Variants in CAMTA1 observed in about 807,000 individuals in gnomAD.
The protein encoded by CAMTA1 is calmodulin-binding transcription activator 1.
In CAMTA1, 27 loss-of-function variants were observed where a neutral mutation model predicts 170.9. The observed-to-expected ratio is 0.16, with a 90% CI of 0.12 to 0.22. The LOEUF is 0.22. Among genes scored for constraint, CAMTA1 ranks in the 10% least tolerant of loss-of-function variants. The probability of loss-of-function intolerance (pLI) is 1.00; values close to 1 mark genes in which losing one functional copy is unlikely to be tolerated. For synonymous variants in CAMTA1, 833 were observed against 891.5 expected (o/e 0.93, Z 1.17); for missense variants, 1,619 against 2,217.2 (o/e 0.73, Z 5.42).
At chr1:7,447,153 C>T (rs901832072) in intron 5 of CAMTA1, among the ~76,000 whole-genome samples, 6 of 152,084 alleles carry the variant, frequency 3.9e-5, no homozygotes, top group African/African-American at 1.4e-4. Context: ...CTTCCTATGC[C>T]CCCAGGGAGC....
intron 6 of CAMTA1, among the ~76,000 whole-genome samples, chr1:7,481,208 C>A (rs1470181032): frequency 6.6e-6 from 1 of 152,176 alleles, no homozygotes; most frequent in Non-Finnish European, 1.5e-5. Flanking sequence ...CCACTTAAAT[C>A]CCAAATCAGA....
intron 7 of CAMTA1, among the ~76,000 whole-genome samples, chr1:7,648,478 G>A (rs970453407): frequency 2.0e-5 from 3 of 152,166 alleles, no homozygotes; most frequent in Non-Finnish European, 4.4e-5. Flanking sequence ...AGTAAGGAGT[G>A]GGGGGATCAG....
intron 6 of CAMTA1, among the ~76,000 whole-genome samples, chr1:7,617,329 C>T (rs2095565844): frequency 2.0e-5 from 3 of 152,218 alleles, no homozygotes; most frequent in Admixed American, 2.0e-4. Context: ...AAAAGTGTAG[C>T]AGCAGAGAAC....
intron 6 of CAMTA1, among the ~76,000 whole-genome samples, chr1:7,542,837 CAG>C (rs2094630572): frequency 1.6e-5 from 1 of 61,216 alleles, no homozygotes; most frequent in South Asian, 6.2e-4. Flanking sequence ...GCCTAAAACA[CAG>C]TGTGTGTGTG....
At chr1:7,165,348 A>T (rs918309875) in intron 4 of CAMTA1, among the ~76,000 whole-genome samples, 4 of 152,254 alleles carry the variant, frequency 2.6e-5, no homozygotes, top group African/African-American at 2.4e-5. Context: ...TTAAAAAGAA[A>T]GAAAACATAA....
At chr1:7,427,890 C>A (rs1034998004) in intron 5 of CAMTA1, among the ~76,000 whole-genome samples, 1 of 152,184 alleles carries the variant, frequency 6.6e-6, no homozygotes, top group African/African-American at 2.4e-5. Context: ...AGAATATTCT[C>A]AGGGCCCCTT....
intron 6 of CAMTA1, among the ~76,000 whole-genome samples, chr1:7,563,520 G>C (rs1252421828): frequency 6.6e-6 from 1 of 152,232 alleles, no homozygotes; most frequent in African/African-American, 2.4e-5. Context: ...TCCTCATGTG[G>C]AGTGGGCCCA....
chr1:7,663,647 A>G lies in CAMTA1; in HGVS notation c.1100A>G (p.Asn367Ser), dbSNP rs1250757095. ...SSPVSISSGL[N>S]SDPDMVDSPV... ...CCTGTGTCCATCAGCAGCGGGCTCA[A>G]CAGCGACCCGGACATGGTGGACAGC... Residue 367 changes from asparagine (N) to serine (S), a missense_variant, in exon 9 of 23, where the codon AAC becomes AGC. Around this residue, in one of 8 missense-constraint regions of CAMTA1, gnomAD observed 731 missense variants for 907.6 expected, o/e 0.81. Transcript: ENST00000303635. The G allele has an allele frequency of 6.2e-7, 1 of 1,614,046 alleles. No homozygotes were observed. The highest frequency in any genetic ancestry group is 8.5e-7 in the Non-Finnish European group (1 of 1,180,040).
chr1:7,405,281 C>T lies in CAMTA1; in HGVS notation c.439-62549C>T, dbSNP rs555104828. On this transcript the variant is annotated intron_variant, in intron 5 of 22. Transcript: ENST00000303635. ...GCATCTTGAAGGCCTAGTGTCACCT[C>T]CTCCAGGACTTCCTTGGTACTTCTC... Among the ~76,000 whole-genome samples the T allele has an allele frequency of 5.9e-5, 9 of 152,270 alleles. No homozygotes were observed. The South Asian group carries it at 1.9e-3, about 32-fold the overall frequency.
intron 6 of CAMTA1, among the ~76,000 whole-genome samples, chr1:7,638,899 G>A (rs1385892091): frequency 3.3e-5 from 5 of 152,180 alleles, no homozygotes; most frequent in Admixed American, 2.0e-4. Context: ...GAGCTCGGGG[G>A]GCAGAAAGCG....
At chr1:6,985,978 C>T (rs376491416) in intron 3 of CAMTA1, among the ~76,000 whole-genome samples, 2 of 152,228 alleles carry the variant, frequency 1.3e-5, no homozygotes, top group African/African-American at 4.8e-5. Flanking sequence ...TCTTTCCGGC[C>T]CTACCTGTTT....
At chr1:7,733,861 G>A (rs561308135) in intron 12 of CAMTA1, among the ~76,000 whole-genome samples, 25 of 152,196 alleles carry the variant, frequency 1.6e-4, no homozygotes, top group African/African-American at 2.4e-4. Context: ...CTTCCTCCCC[G>A]TGTTTTCATA....
At chr1:7,309,409 C>T (rs1465465887) in intron 5 of CAMTA1, among the ~76,000 whole-genome samples, 7 of 144,248 alleles carry the variant, frequency 4.9e-5, no homozygotes, top group Non-Finnish European at 9.0e-5. Flanking sequence ...AAGCAATTCT[C>T]GTGCCTCAGC....
chr1:7,677,514 G>A, intron 10 of CAMTA1, 85 bp from the exon 11 acceptor site: 1 of 1,442,910 alleles, frequency 6.9e-7, no homozygotes, highest in Non-Finnish European at 9.5e-7. Context: ...GGGTAGTGGG[G>A]AGGGGACATT....
At chr1:7,607,463 GTGGATGGATGGATGGATGGA>G (rs754146311) in intron 6 of CAMTA1, among the ~76,000 whole-genome samples, 1 of 150,134 alleles carries the variant, frequency 6.7e-6, no homozygotes, top group African/African-American at 2.5e-5. Context: ...GGATGGATGG[GTGGATGGATGGATGGATGGA>G]TAGATGGATA....
At chr1:6,825,700 T>G (rs539535505) in intron 3 of CAMTA1, among the ~76,000 whole-genome samples, 1 of 152,338 alleles carries the variant, frequency 6.6e-6, no homozygotes, top group East Asian at 1.9e-4. Flanking sequence ...AGAATTTTTA[T>G]TAAGATTGAA....
At position 7,609,049 on chromosome 1, in the gene CAMTA1, C is replaced by G. The variant is rs1187808859; in HGVS notation, c.511-31351C>G. The stretch of plus-strand genomic sequence containing the variant: ...AAGGAGTCTCCTGATGCAGGCTGGG[C>G]CCCCCGCAGGGGTGGGGGCAGTGCT... On this transcript the variant is annotated intron_variant, in intron 6 of 22. Transcript: ENST00000303635. This position sits in a 1 kb window ranked among gnomAD's most constrained non-coding sequence, Gnocchi z 4.4. 6.6e-6 allele frequency among the ~76,000 whole-genome samples: 1 copy of G among 152,054 alleles called. No individual in the cohort carries two copies. The highest frequency in any genetic ancestry group is 1.5e-5 in the Non-Finnish European group (1 of 68,010).
At chr1:7,604,955 T>C (rs1429822321) in intron 6 of CAMTA1, among the ~76,000 whole-genome samples, 2 of 152,048 alleles carry the variant, frequency 1.3e-5, no homozygotes, top group African/African-American at 4.8e-5. Context: ...CTCCAGACCC[T>C]GTTTGCCTGG....
intron 3 of CAMTA1, among the ~76,000 whole-genome samples, chr1:6,890,754 T>C (rs1474974665): frequency 6.6e-6 from 1 of 152,090 alleles, no homozygotes; most frequent in African/African-American, 2.4e-5. Flanking sequence ...AATTTTTCTG[T>C]GGAGTCGAGG....
Sources: gnomAD v4.1 joint callset for allele counts (sites outside exome capture counted in the v4.1 genomes callset) on GRCh38, gnomAD v4.1.1 for gene constraint, gnomAD v4.1.1 regional missense constraint, Gnocchi (gnomAD v3.1) non-coding constraint, MANE v1.5 for transcripts, NCBI Gene and HGNC (gene_info 2026-07-23, HGNC 2026-07-21) for gene names.